The following CFAP77 variants were observed in gnomAD, a reference collection of about 807,000 sequenced individuals.
The protein encoded by CFAP77 is cilia and flagella associated protein 77.
Under a neutral mutation model 31.1 loss-of-function variants are expected in CFAP77, and 25 were observed. The observed-to-expected ratio is 0.80, with a 90% CI of 0.59 to 1.12. CFAP77 has a LOEUF of 1.12. Ranked by LOEUF, CFAP77 falls within the 50% of genes most tolerant of loss-of-function variation. CFAP77 has a pLI of 0.00. For synonymous variants in CFAP77, 151 were observed against 159.9 expected, an observed-to-expected ratio of 0.94 and a Z score of 0.42; for missense variants, 377 against 397.3, an observed-to-expected ratio of 0.95 and a Z score of 0.44.
chr9:132,539,111 T>A lies in CFAP77; in HGVS notation c.630+1405T>A, dbSNP rs888770353. Among the ~76,000 whole-genome samples, 23 of 151,950 alleles carry A rather than the reference T, an allele frequency of 1.5e-4. No homozygotes were observed. Among genetic ancestry groups the A allele is most frequent in the African/African-American group, 5.3e-4 (22 of 41,374 alleles). On this transcript the variant is annotated intron_variant, in intron 4 of 5. Transcript: ENST00000393216. This position sits in a 1 kb window ranked among gnomAD's most constrained non-coding sequence, Gnocchi z 4.3. ...CGATAAAAAAATAAATAAATAAAAATAAATAAATAAAATAGTACTTCCTTT... is the reference window on the plus strand; with the variant it reads ...CGATAAAAAAATAAATAAATAAAAAAAAATAAATAAAATAGTACTTCCTTT...
rs919254883 is a variant in CFAP77 at position 132,490,331 on chromosome 9, G to T, written c.196-8364G>T. ...TAGCACCATGGAAAAGCAGGTGACC[G>T]TCAAGCCTCAGGTGGCCCCTGTGTT... On this transcript the variant is annotated intron_variant, in intron 1 of 5. Transcript: ENST00000393216. This position sits in a 1 kb window ranked among gnomAD's most constrained non-coding sequence, Gnocchi z 4.6. Among the ~76,000 whole-genome samples the T allele has an allele frequency of 4.6e-5, 7 of 152,166 alleles. No individual in the cohort carries two copies. Among genetic ancestry groups the T allele is most frequent in the Non-Finnish European group, 8.8e-5 (6 of 68,028 alleles).
At position 132,537,636 on chromosome 9, in the gene CFAP77, G is replaced by A. The variant is rs375659445; in HGVS notation, c.560G>A (p.Arg187Gln). The A allele has an allele frequency of 3.3e-5, 53 of 1,613,026 alleles. No homozygotes were observed. In the Middle Eastern group the frequency reaches 4.9e-4, roughly 15 times the overall value. The change falls in exon 4 of 6, where the codon CGG becomes CAG. Residue 187 changes from arginine to glutamine, a missense_variant. Arg to Gln is a conservative substitution (Grantham distance 43, BLOSUM62 1). Transcript: ENST00000393216. ...CCCTTCTTTGATCTGCTGCAGCACC[G>A]GTACCTGCAGCTGTGGGTACAGGAA... is the stretch of plus-strand genomic sequence containing the variant. ...STPFFDLLQH[R>Q]YLQLWVQEQK... is the part of the protein sequence containing the mutation.
At chr9:132,568,580 T>C (rs1364520336) in intron 5 of CFAP77, among the ~76,000 whole-genome samples, 1 of 144,186 alleles carries the variant, frequency 6.9e-6, no homozygotes, top group African/African-American at 2.6e-5. Context: ...AAAAAAATAG[T>C]GCGTATACTA....
At chr9:132,413,807 G>A (rs934315384) in intron 1 of CFAP77, among the ~76,000 whole-genome samples, 1 of 152,192 alleles carries the variant, frequency 6.6e-6, no homozygotes, top group Non-Finnish European at 1.5e-5. Flanking sequence ...CCCTTAGAAA[G>A]TGTAAAAGAT....
intron 3 of CFAP77, among the ~76,000 whole-genome samples, chr9:132,510,862 A>C (rs1852024226): frequency 6.6e-6 from 1 of 152,128 alleles, no homozygotes; most frequent in East Asian, 1.9e-4. Context: ...TGCCTCATAC[A>C]CATCAACTCA....
At chr9:132,457,823 C>A (rs907988971) in intron 1 of CFAP77, among the ~76,000 whole-genome samples, 1 of 152,220 alleles carries the variant, frequency 6.6e-6, no homozygotes, top group Non-Finnish European at 1.5e-5. Flanking sequence ...GGGGAAGGAG[C>A]ATAAAGACGC....
At chr9:132,569,711 A>G (rs1172496745) in intron 5 of CFAP77, among the ~76,000 whole-genome samples, 1 of 144,542 alleles carries the variant, frequency 6.9e-6, no homozygotes, top group East Asian at 2.0e-4. Context: ...CTGTCTTCCT[A>G]AGTGTCTCTA....
chr9:132,465,482 A>G (rs1406134119), intron 1 of CFAP77, among the ~76,000 whole-genome samples: 1 of 152,178 alleles, frequency 6.6e-6, no homozygotes, highest in Non-Finnish European at 1.5e-5. Context: ...CCTTTGATCT[A>G]TGTTTGAGGG....
At chr9:132,496,023 T>A (rs367715027) in intron 1 of CFAP77, among the ~76,000 whole-genome samples, 1 of 152,212 alleles carries the variant, frequency 6.6e-6, no homozygotes, top group South Asian at 2.1e-4. Context: ...CTAAGCTGAC[T>A]AAGACATAGT....
intron 1 of CFAP77, among the ~76,000 whole-genome samples, chr9:132,449,057 C>T (rs1219172112): frequency 2.0e-5 from 3 of 152,182 alleles, no homozygotes; most frequent in Non-Finnish European, 4.4e-5. Flanking sequence ...GGTGGGAAGT[C>T]AGAGAAAGCT....
Position 132,464,128 on chromosome 9 carries a change from T to G in CFAP77, c.196-34567T>G, listed in dbSNP as rs543015079. ...CTGACAACAACAAAGTTCAGGTATT[T>G]CCCAGCAAATGGCACCTAAAACCAC... On this transcript the variant is annotated intron_variant, in intron 1 of 5. Coordinates refer to ENST00000393216, the MANE Select transcript of CFAP77 (RefSeq NM_001282957.2). Among the ~76,000 whole-genome samples, 25 of 152,318 alleles carry G rather than the reference T, an allele frequency of 1.6e-4. No individual in the cohort carries two copies. The South Asian group carries it at 5.0e-3, about 30-fold the overall frequency.
chr9:132,435,188 A>G lies in CFAP77; in HGVS notation c.195+24722A>G, dbSNP rs533130253. On this transcript the variant is annotated intron_variant, in intron 1 of 5. Transcript: ENST00000393216. ...AATGCAACCCAGGCAAGACTTTTCC[A>G]CCCTGCTAATTAAAACAATCCTTCC... Among the ~76,000 whole-genome samples, 18 of 152,244 alleles carry G rather than the reference A, an allele frequency of 1.2e-4. No homozygotes were observed. The South Asian group carries it at 3.7e-3, about 32-fold the overall frequency.
intron 1 of CFAP77, among the ~76,000 whole-genome samples, chr9:132,468,699 A>G (rs1851198406): frequency 6.6e-6 from 1 of 152,146 alleles, no homozygotes; most frequent in East Asian, 1.9e-4. Context: ...GTGAAGGACT[A>G]TGATGTCTCT....
intron 5 of CFAP77, among the ~76,000 whole-genome samples, chr9:132,557,051 A>G (rs563049584): frequency 6.6e-6 from 1 of 152,274 alleles, no homozygotes; most frequent in South Asian, 2.1e-4. Context: ...TGACCTTATA[A>G]AAGATTTAGT....
chr9:132,519,641 CAGAT>C (rs1161488278), intron 3 of CFAP77, among the ~76,000 whole-genome samples: 1 of 28,616 alleles, frequency 3.5e-5, no homozygotes, highest in African/African-American at 1.6e-4. Flanking sequence ...GGTGGATGGG[CAGAT>C]GGATGGATGG....
chr9:132,530,131 CTTTT>C (rs919728385), intron 3 of CFAP77, among the ~76,000 whole-genome samples: 3 of 102,140 alleles, frequency 2.9e-5, no homozygotes, highest in Non-Finnish European at 4.2e-5. Context: ...TTCTTTCTTT[CTTTT>C]CTTTTTTTTT....
intron 3 of CFAP77, among the ~76,000 whole-genome samples, chr9:132,510,839 A>T (rs895187399): frequency 2.6e-5 from 4 of 152,100 alleles, no homozygotes; most frequent in African/African-American, 9.7e-5. Context: ...CCGGGGCTAG[A>T]CACCATGCTG....
At chr9:132,484,734 A>T (rs2362369) in intron 1 of CFAP77, among the ~76,000 whole-genome samples, 4,301 of 150,708 alleles carry the variant, frequency 0.029, 204 homozygotes, top group African/African-American at 0.097. Flanking sequence ...TTTTTTTTTT[A>T]AATTTTTGTG....
At chr9:132,559,403 TAAAC>T (rs1428242771) in intron 5 of CFAP77, among the ~76,000 whole-genome samples, 3 of 101,124 alleles carry the variant, frequency 3.0e-5, no homozygotes, top group African/African-American at 1.3e-4. Flanking sequence ...CCAAAGGAGA[TAAAC>T]AAATAAACAC....
Sources: allele counts gnomAD v4.1 joint callset (sites outside exome capture counted in the v4.1 genomes callset), GRCh38; gene constraint gnomAD v4.1.1; non-coding constraint Gnocchi (gnomAD v3.1); transcripts MANE v1.5; gene names NCBI Gene and HGNC (gene_info 2026-07-23, HGNC 2026-07-21).